The following GRIA4 variants were observed in gnomAD, a reference collection of about 807,000 sequenced individuals.
The protein encoded by GRIA4 is glutamate receptor 4.
In GRIA4, 34 loss-of-function variants were observed where a neutral mutation model predicts 104.0. The ratio of observed to expected loss-of-function variants is 0.33; its 90% CI spans 0.25 to 0.44. The LOEUF is 0.44. Among genes scored for constraint, GRIA4 ranks in the 20% least tolerant of loss-of-function variants. The pLI is 1.00. For synonymous variants in GRIA4, 386 were observed against 381.9 expected (o/e 1.01, Z -0.13); for missense variants, 750 against 1,096.5 (o/e 0.68, Z 4.46).
intron 3 of GRIA4, among the ~76,000 whole-genome samples, chr11:105,686,397 C>T (rs530177282): frequency 6.6e-6 from 1 of 152,308 alleles, no homozygotes; most frequent in Non-Finnish European, 1.5e-5. Flanking sequence ...CTGCAAAAGA[C>T]ATTACTTCAT....
intron 4 of GRIA4, among the ~76,000 whole-genome samples, chr11:105,835,393 T>A (rs1309402617): frequency 6.6e-6 from 1 of 152,056 alleles, no homozygotes; most frequent in Non-Finnish European, 1.5e-5. Context: ...CTAGATGTGA[T>A]ATGATTTATA....
intron 3 of GRIA4, among the ~76,000 whole-genome samples, chr11:105,618,111 A>T (rs1403461493): frequency 6.6e-6 from 1 of 151,950 alleles, no homozygotes; most frequent in East Asian, 1.9e-4. Flanking sequence ...TGAGCCATTG[A>T]ACATGGATTA....
chr11:105,705,275 C>T (rs918986324), intron 3 of GRIA4, among the ~76,000 whole-genome samples: 4 of 151,824 alleles, frequency 2.6e-5, no homozygotes, highest in Non-Finnish European at 4.4e-5. Context: ...TCTAAATAGA[C>T]CAGGAATCTA....
intron 5 of GRIA4, among the ~76,000 whole-genome samples, chr11:105,879,299 C>G (rs2136075442): frequency 6.6e-6 from 1 of 152,298 alleles, no homozygotes; most frequent in East Asian, 1.9e-4. Context: ...CTGCATTGAT[C>G]TCGATGGGAG....
chr11:105,841,916 T>C (rs1944407468), intron 4 of GRIA4, among the ~76,000 whole-genome samples: 1 of 152,228 alleles, frequency 6.6e-6, no homozygotes, highest in African/African-American at 2.4e-5. Context: ...CAAACAACTG[T>C]CTTTCTCTCA....
intron 3 of GRIA4, among the ~76,000 whole-genome samples, chr11:105,671,977 A>G (rs1344310872): frequency 5.9e-5 from 9 of 152,046 alleles, no homozygotes; most frequent in Admixed American, 5.9e-4. Context: ...TTCACATTTC[A>G]GGGAATTCTG....
At chr11:105,939,853 G>C (rs768843290) in intron 14 of GRIA4, among the ~76,000 whole-genome samples, 41 of 152,162 alleles carry the variant, frequency 2.7e-4, no homozygotes, top group Non-Finnish European at 5.1e-4. Flanking sequence ...GTTCCTAAAG[G>C]AAAGAGTGCC....
chr11:105,698,430 T>C (rs1591095497), intron 3 of GRIA4, among the ~76,000 whole-genome samples: 1 of 152,166 alleles, frequency 6.6e-6, no homozygotes, highest in Non-Finnish European at 1.5e-5. Context: ...ATAGTAGTCA[T>C]ATGGCTTCAG....
chr11:105,649,426 T>G (rs1951624578), intron 3 of GRIA4, among the ~76,000 whole-genome samples: 1 of 152,192 alleles, frequency 6.6e-6, no homozygotes, highest in Non-Finnish European at 1.5e-5. Context: ...ATTCTTGGCT[T>G]TTGATTTTGT....
intron 14 of GRIA4, among the ~76,000 whole-genome samples, chr11:105,944,787 C>T (rs563773624): frequency 6.6e-6 from 1 of 152,076 alleles, no homozygotes; most frequent in East Asian, 1.9e-4. Flanking sequence ...CCATGAGCCT[C>T]TCACTATGTT....
chr11:105,753,291 G>A, intron 4 of GRIA4, 71 bp downstream of exon 4: 11 of 1,385,222 alleles, frequency 7.9e-6, no homozygotes, highest in East Asian at 2.3e-5. Flanking sequence ...ATATGACTTC[G>A]GTTTTTAGCA....
intron 4 of GRIA4, among the ~76,000 whole-genome samples, chr11:105,852,991 A>G (rs1944873747): frequency 1.5e-5 from 2 of 135,426 alleles, no homozygotes; most frequent in African/African-American, 5.3e-5. Context: ...GCATGTGAAT[A>G]TAACAAGCTG....
At chr11:105,971,878 A>T in intron 14 of GRIA4, 36 bp from the exon 15 acceptor site, 1 of 1,278,530 alleles carries the variant, frequency 7.8e-7, no homozygotes, top group Non-Finnish European at 1.1e-6. Flanking sequence ...ATAAAATAAC[A>T]TATATAATGT....
chr11:105,973,062 T>C (rs1174171641), intron 15 of GRIA4, among the ~76,000 whole-genome samples: 1 of 152,190 alleles, frequency 6.6e-6, no homozygotes, highest in Non-Finnish European at 1.5e-5. Flanking sequence ...CTTGGCCAGA[T>C]AATTAAACCA....
intron 8 of GRIA4, among the ~76,000 whole-genome samples, chr11:105,904,498 C>T (rs1946974464): frequency 1.3e-5 from 2 of 152,212 alleles, no homozygotes; most frequent in South Asian, 4.1e-4. Flanking sequence ...AAGTATAAGC[C>T]CACTTGGGTC....
At chr11:105,877,427 T>C (rs1945870585) in intron 5 of GRIA4, among the ~76,000 whole-genome samples, 1 of 152,182 alleles carries the variant, frequency 6.6e-6, no homozygotes, top group Non-Finnish European at 1.5e-5. Context: ...TAGTGTTCTC[T>C]CCATTTCCTG....
chr11:105,903,386 G>A (rs752480033), intron 7 of GRIA4, among the ~76,000 whole-genome samples: 26 of 152,158 alleles, frequency 1.7e-4, no homozygotes, highest in Non-Finnish European at 3.5e-4. Flanking sequence ...ACCTTGCTAG[G>A]CCTTTTGGAG....
At chr11:105,922,201 GAAC>G (rs1288808724) in intron 11 of GRIA4, among the ~76,000 whole-genome samples, 1 of 152,082 alleles carries the variant, frequency 6.6e-6, no homozygotes, top group Non-Finnish European at 1.5e-5. Flanking sequence ...ATACATAAAA[GAAC>G]AAGTAGCTAT....
intron 3 of GRIA4, among the ~76,000 whole-genome samples, chr11:105,742,872 G>A (rs767100035): frequency 8.5e-5 from 13 of 152,146 alleles, no homozygotes; most frequent in South Asian, 4.2e-4. Context: ...GAGTAGCTGG[G>A]ATCACAGGCG....
Sources: gnomAD v4.1 joint callset for allele counts (sites outside exome capture counted in the v4.1 genomes callset) on GRCh38, gnomAD v4.1.1 for gene constraint, MANE v1.5 for transcripts, NCBI Gene and HGNC (gene_info 2026-07-23, HGNC 2026-07-21) for gene names.